Variants in RPTOR observed in about 807,000 individuals in gnomAD.
RPTOR encodes the protein regulatory-associated protein of mTOR.
Under a neutral mutation model 169.9 loss-of-function variants are expected in RPTOR, and 21 were observed. That is an observed-to-expected ratio of 0.12 (90% CI 0.09 to 0.18). The LOEUF is 0.18. RPTOR is among the 10% of genes least tolerant of loss of function. The pLI, the probability that RPTOR is intolerant of heterozygous loss-of-function variation, is 1.00. For synonymous variants in RPTOR, 732 were observed against 753.2 expected, an observed-to-expected ratio of 0.97 and a Z score of 0.46; for missense variants, 1,133 against 1,855.9, an observed-to-expected ratio of 0.61 and a Z score of 7.16.
chr17:80,548,658 C>T (rs2084308516), intron 1 of RPTOR, among the ~76,000 whole-genome samples: 1 of 152,040 alleles, frequency 6.6e-6, no homozygotes, highest in Non-Finnish European at 1.5e-5. Flanking sequence ...CAGGTGTGAG[C>T]CACAGCACCT....
intron 3 of RPTOR, among the ~76,000 whole-genome samples, chr17:80,674,527 C>T (rs553527971): frequency 1.3e-5 from 2 of 152,282 alleles, no homozygotes; most frequent in East Asian, 3.9e-4. Context: ...GCATAGGCGC[C>T]ATCCTGGCTG....
At chr17:80,676,340 C>T (rs961275488) in intron 3 of RPTOR, among the ~76,000 whole-genome samples, 8 of 151,808 alleles carry the variant, frequency 5.3e-5, no homozygotes, top group South Asian at 2.1e-4. Flanking sequence ...GAGTCACCCC[C>T]GGCTATTGAT....
At chr17:80,685,421 G>A (rs557862871) in intron 3 of RPTOR, among the ~76,000 whole-genome samples, 161 of 150,734 alleles carry the variant, frequency 1.1e-3, no homozygotes, top group African/African-American at 3.7e-3. Flanking sequence ...GACTACGGCC[G>A]TGTACCACCA....
At chr17:80,733,360 G>A (rs866148169) in intron 5 of RPTOR, among the ~76,000 whole-genome samples, 3 of 152,034 alleles carry the variant, frequency 2.0e-5, no homozygotes, top group Admixed American at 2.0e-4. Flanking sequence ...TTATAAATAA[G>A]TATATTTTAC....
intron 6 of RPTOR, among the ~76,000 whole-genome samples, chr17:80,784,165 G>A (rs955334623): frequency 2.0e-5 from 3 of 151,442 alleles, no homozygotes; most frequent in African/African-American, 4.9e-5. Context: ...TGCTGTCCAC[G>A]CTGGCCTCAC....
chr17:80,793,318 G>A (rs539665626), intron 7 of RPTOR, among the ~76,000 whole-genome samples: 1 of 152,308 alleles, frequency 6.6e-6, no homozygotes, highest in African/African-American at 2.4e-5. Flanking sequence ...CACTTAACCT[G>A]TGTATATATA....
chr17:80,858,820 G>GT (rs1464191539), intron 13 of RPTOR, among the ~76,000 whole-genome samples: 2 of 152,206 alleles, frequency 1.3e-5, no homozygotes, highest in African/African-American at 2.4e-5. Context: ...ACGCAGGGAG[G>GT]CCCCATCCAC....
intron 6 of RPTOR, among the ~76,000 whole-genome samples, chr17:80,755,977 T>A (rs1163817838): frequency 6.6e-6 from 1 of 152,212 alleles, no homozygotes; most frequent in African/African-American, 2.4e-5. Context: ...GAACCAGGGT[T>A]ATTGTAAAAC....
chr17:80,765,409 C>T (rs191262407), intron 6 of RPTOR, among the ~76,000 whole-genome samples: 4 of 152,330 alleles, frequency 2.6e-5, no homozygotes, highest in East Asian at 3.9e-4. Context: ...GAGCCACTTA[C>T]GCTTGTCCAA....
chr17:80,862,828 G>A (rs530012081), intron 13 of RPTOR, among the ~76,000 whole-genome samples: 9 of 152,348 alleles, frequency 5.9e-5, no homozygotes, highest in African/African-American at 2.2e-4. Context: ...GGGTCCACCT[G>A]TGAAGATCGC....
rs573710460 is a variant in RPTOR, at chr17:80,743,503, G to A, written c.655-10507G>A. ...TGTGGGGAGCTCCAGCAGCGCGTTC[G>A]GAGTGCTGGGCATTGCCAGGTCTGA... On this transcript the variant is annotated intron_variant, in intron 5 of 33. Coordinates refer to ENST00000306801, the MANE Select transcript of RPTOR (RefSeq NM_020761.3). The A allele has an allele frequency of 2.2e-5, 21 of 966,628 alleles. No individual in the cohort carries two copies. The South Asian group carries it at 7.7e-4, about 35-fold the overall frequency. The allele number at this position is 966,628 out of a possible 1,614,324, so 59.9% of individuals were successfully genotyped here.
intron 9 of RPTOR, among the ~76,000 whole-genome samples, chr17:80,833,359 C>T (rs1021959863): frequency 1.3e-5 from 2 of 152,232 alleles, no homozygotes; most frequent in African/African-American, 4.8e-5. Context: ...CAGCTAATCA[C>T]AGCCTCCTCC....
chr17:80,674,335 G>A (rs1476067242), intron 3 of RPTOR, among the ~76,000 whole-genome samples: 3 of 152,142 alleles, frequency 2.0e-5, no homozygotes, highest in African/African-American at 4.8e-5. Flanking sequence ...TCACCTTTCC[G>A]GAAAGAAGAA....
chr17:80,939,357 ACACATGCACGCACTCGCACACACG>A (rs1028721719), intron 24 of RPTOR, among the ~76,000 whole-genome samples: 1 of 152,260 alleles, frequency 6.6e-6, no homozygotes, highest in African/African-American at 2.4e-5. Flanking sequence ...ACACACACAG[ACACATGCACGCACTCGCACACACG>A]CACACACACG....
At chr17:80,924,434 C>T (rs907167379) in intron 23 of RPTOR, among the ~76,000 whole-genome samples, 5 of 152,078 alleles carry the variant, frequency 3.3e-5, no homozygotes, top group African/African-American at 9.7e-5. Context: ...AGTTAGCGGC[C>T]GCCTTGCAGG....
intron 1 of RPTOR, among the ~76,000 whole-genome samples, chr17:80,597,114 CA>C: frequency 6.6e-6 from 1 of 152,244 alleles, no homozygotes; most frequent in Middle Eastern, 3.4e-3. Flanking sequence ...CAGGGACGCA[CA>C]GAAAGGGAAG....
intron 20 of RPTOR, among the ~76,000 whole-genome samples, chr17:80,903,645 G>A (rs1470166709): frequency 6.6e-6 from 1 of 152,144 alleles, no homozygotes; most frequent in Non-Finnish European, 1.5e-5. Flanking sequence ...CACCTTCTTG[G>A]GTACCTAGAA....
Position 80,831,721 on chromosome 17 carries a change from GTGTGTCAC to G in RPTOR, c.1137-6187_1137-6180del, listed in dbSNP as rs1182185006. On this transcript the variant is annotated intron_variant, in intron 9 of 33. Transcript: ENST00000306801. ...TCCCTGTGTGTCACTGTGTATCCCTGTGTGTCACTGTGTCACTGTGTATCCCTGTGTAT... is the reference window on the plus strand; with the variant it reads ...TCCCTGTGTGTCACTGTGTATCCCTGTGTGTCACTGTGTATCCCTGTGTAT... Among the ~76,000 whole-genome samples, 23 of 152,106 alleles carry G rather than the reference GTGTGTCAC, an allele frequency of 1.5e-4. No individual in the cohort carries two copies. The East Asian group carries it at 2.7e-3, about 18-fold the overall frequency.
chr17:80,870,907 G>A (rs924712989), intron 13 of RPTOR, among the ~76,000 whole-genome samples: 3 of 152,196 alleles, frequency 2.0e-5, no homozygotes, highest in Non-Finnish European at 2.9e-5. Flanking sequence ...GTTATTAACT[G>A]CAGTTGATAC....
Sources: gnomAD v4.1 joint callset for allele counts (sites outside exome capture counted in the v4.1 genomes callset) on GRCh38, gnomAD v4.1.1 for gene constraint, MANE v1.5 for transcripts, NCBI Gene and HGNC (gene_info 2026-07-23, HGNC 2026-07-21) for gene names.